ACBD6: variants seen among roughly 807,000 people sequenced by gnomAD.
The protein encoded by ACBD6 is acyl-CoA binding domain containing 6, also known as acyl-CoA-binding domain-containing protein 6.
ACBD6 carries 28 observed loss-of-function variants against 37.2 expected under a neutral mutation model. The ratio of observed to expected loss-of-function variants is 0.75; its 90% CI spans 0.56 to 1.03. The LOEUF (loss-of-function observed/expected upper bound fraction) is 1.03, where lower values mean the gene tolerates loss of function less well. Ranked by LOEUF, ACBD6 falls within the 50% of genes least tolerant of loss-of-function variation. The pLI is 0.00. For missense variants in ACBD6, 340 were observed against 337.4 expected (o/e 1.01, Z -0.06); for synonymous variants, 113 against 126.8 (o/e 0.89, Z 0.73).
chr1:180,269,924 A>G (rs1648536358), exon 14 of ACBD6: 1 of 152,268 alleles, frequency 6.6e-6, no homozygotes, highest in African/African-American at 2.4e-5. Context: ...GAGTTGGGCC[A>G]CAGTAGTTCC....
intron 7 of ACBD6, among the ~76,000 whole-genome samples, chr1:180,299,879 AG>A (rs1219275166): frequency 6.6e-6 from 1 of 152,198 alleles, no homozygotes; most frequent in Non-Finnish European, 1.5e-5. Flanking sequence ...AAGTAACAGG[AG>A]GACCAATATC....
chr1:180,434,267 C>G (rs1238971878), intron 3 of ACBD6, among the ~76,000 whole-genome samples: 1 of 152,166 alleles, frequency 6.6e-6, no homozygotes. Context: ...AAATTCCAAC[C>G]TGACTCTAGT....
intron 6 of ACBD6, among the ~76,000 whole-genome samples, chr1:180,347,366 T>G (rs933873653): frequency 5.1e-5 from 7 of 137,502 alleles, no homozygotes; most frequent in Admixed American, 2.1e-4. Context: ...GAAAGTTTTT[T>G]TTTTTTTTTT....
rs765586006 is a variant in ACBD6 at position 180,430,131 on chromosome 1, A to G, written c.467+49T>C. On this transcript the variant is annotated intron_variant, in intron 4 of 7. Coordinates refer to ENST00000367595, the MANE Select transcript of ACBD6 (RefSeq NM_032360.4). ...AGCACATACATACAAACACATGCAC[A>G]CACACAGGCATATATATTTCTATTA... 5 of 1,491,444 alleles carry G rather than the reference A, an allele frequency of 3.4e-6. No individual in the cohort carries two copies. The African/African-American group carries it at 6.9e-5, about 21-fold the overall frequency. The allele number at this position is 1,491,444 out of a possible 1,614,324, so 92.4% of individuals were successfully genotyped here.
intron 3 of ACBD6, among the ~76,000 whole-genome samples, chr1:180,489,117 G>T (rs983290564): frequency 2.6e-5 from 4 of 152,076 alleles, no homozygotes; most frequent in Non-Finnish European, 5.9e-5. Flanking sequence ...AGTAAGCTGA[G>T]ATTGTGCCAC....
At chr1:180,499,528 T>C (rs1210075457) in intron 1 of ACBD6, among the ~76,000 whole-genome samples, 1 of 152,206 alleles carries the variant, frequency 6.6e-6, no homozygotes, top group African/African-American at 2.4e-5. Flanking sequence ...TACAGTTCAC[T>C]GATGACTTAG....
At chr1:180,321,283 T>A (rs899591011) in intron 6 of ACBD6, among the ~76,000 whole-genome samples, 2 of 152,232 alleles carry the variant, frequency 1.3e-5, no homozygotes, top group Non-Finnish European at 1.5e-5. Context: ...GGGTCTTTTG[T>A]AGTTCCATAT....
chr1:180,298,410 C>T (rs138777633), intron 7 of ACBD6, among the ~76,000 whole-genome samples: 61 of 152,180 alleles, frequency 4.0e-4, no homozygotes, highest in African/African-American at 5.5e-4. Flanking sequence ...AACAGTTACG[C>T]GAGAAGATCA....
chr1:180,475,851 A>G (rs1044958343), intron 3 of ACBD6, among the ~76,000 whole-genome samples: 8 of 152,238 alleles, frequency 5.3e-5, no homozygotes, highest in African/African-American at 1.4e-4. Flanking sequence ...AGTGTTTACC[A>G]TATGATGGAA....
At chr1:180,291,153 A>G (rs757818104) in intron 7 of ACBD6, among the ~76,000 whole-genome samples, 3 of 152,088 alleles carry the variant, frequency 2.0e-5, no homozygotes, top group African/African-American at 7.2e-5. Context: ...GCTGCTTCCA[A>G]TTTTTGGCAT....
intron 6 of ACBD6, among the ~76,000 whole-genome samples, chr1:180,338,614 A>G (rs1385074471): frequency 2.6e-5 from 4 of 152,230 alleles, no homozygotes; most frequent in African/African-American, 9.6e-5. Context: ...GGACATAGGC[A>G]TGGGCAAGGA....
At chr1:180,309,129 C>T (rs979950735) in intron 7 of ACBD6, among the ~76,000 whole-genome samples, 2 of 152,094 alleles carry the variant, frequency 1.3e-5, no homozygotes, top group African/African-American at 2.4e-5. Context: ...TTTATGTATC[C>T]TCCCAGAGAT....
At chr1:180,274,355 A>T (rs760897717) in intron 10 of ACBD6, 1 of 1,614,044 alleles carries the variant, frequency 6.2e-7, no homozygotes, top group East Asian at 2.2e-5. Flanking sequence ...TCCATCCTCC[A>T]TATCGTCCCT....
rs574093307 is a variant in ACBD6, at chr1:180,480,095, G to A, written c.384+12174C>T. Among the ~76,000 whole-genome samples the A allele has an allele frequency of 2.6e-5, 4 of 152,334 alleles. No individual in the cohort carries two copies. In the East Asian group the frequency reaches 7.7e-4, roughly 29 times the overall value. ...GGATAAAAGGTGGGACTCAAATGTG[G>A]ATATAAACCAGATTATGGTGGACTT... On this transcript the variant is annotated intron_variant, in intron 3 of 7. Coordinates refer to ENST00000367595, the MANE Select transcript of ACBD6 (RefSeq NM_032360.4).
intron 7 of ACBD6, among the ~76,000 whole-genome samples, chr1:180,293,313 T>C (rs2149279367): frequency 6.6e-6 from 1 of 151,028 alleles, no homozygotes; most frequent in East Asian, 1.9e-4. Flanking sequence ...TTTTTTTTTT[T>C]TTTGAGACAA....
At chr1:180,435,571 A>C in intron 3 of ACBD6, 1 of 1,026,524 alleles carries the variant, frequency 9.7e-7, no homozygotes, top group Non-Finnish European at 1.5e-6. Context: ...TTGAGACTGC[A>C]AAGTCCCGAG....
intron 6 of ACBD6, among the ~76,000 whole-genome samples, chr1:180,346,916 T>C (rs548371521): frequency 1.3e-5 from 2 of 152,070 alleles, no homozygotes; most frequent in Non-Finnish European, 2.9e-5. Flanking sequence ...CCTGGAAGGC[T>C]GAGGTGGGAG....
At chr1:180,276,991 C>T (rs1649076740) in intron 9 of ACBD6, 1 of 152,198 alleles carries the variant, frequency 6.6e-6, no homozygotes, top group African/African-American at 2.4e-5. Context: ...TTGAGGAACT[C>T]AGTGAGCAGT....
intron 3 of ACBD6, among the ~76,000 whole-genome samples, chr1:180,466,006 G>C (rs978926044): frequency 2.6e-5 from 4 of 152,076 alleles, no homozygotes; most frequent in South Asian, 2.1e-4. Context: ...GTCTACTTGA[G>C]GGGGGAGGGT....
Sources: allele counts gnomAD v4.1 joint callset (sites outside exome capture counted in the v4.1 genomes callset), GRCh38; gene constraint gnomAD v4.1.1; transcripts MANE v1.5; gene names NCBI Gene and HGNC (gene_info 2026-07-23, HGNC 2026-07-21).